The following DND1 variants were observed in gnomAD, a reference collection of about 807,000 sequenced individuals.
The protein encoded by DND1 is DND microRNA-mediated repression inhibitor 1.
Under a neutral mutation model 30.4 loss-of-function variants are expected in DND1, and 6 were observed. The observed-to-expected ratio is 0.20, with a 90% CI of 0.11 to 0.39. The LOEUF (loss-of-function observed/expected upper bound fraction) is 0.39, where lower values mean the gene tolerates loss of function less well. Among genes scored for constraint, DND1 ranks in the 10% least tolerant of loss-of-function variants. The pLI, the probability that DND1 is intolerant of heterozygous loss-of-function variation, is 1.00. For missense variants in DND1, 358 were observed against 474.9 expected (o/e 0.75, Z 2.29); for synonymous variants, 178 against 210.4 (o/e 0.85, Z 1.33).
Position 140,671,239 on chromosome 5 carries a change from G to A in DND1, c.*54C>T. 1 of 1,607,586 alleles carries A rather than the reference G, an allele frequency of 6.2e-7. No homozygotes were observed. The highest frequency in any genetic ancestry group is 2.0e-4 in the Middle Eastern group (1 of 4,950). ...GGCCACCCAGGCCTGCTGGGATGGGGCCTGACACAGGCTCTGCATGCCCAT... is the reference window on the plus strand; with the variant it reads ...GGCCACCCAGGCCTGCTGGGATGGGACCTGACACAGGCTCTGCATGCCCAT... On this transcript the variant is annotated 3_prime_UTR_variant, in exon 4 of 4. Coordinates refer to ENST00000542735, the MANE Select transcript of DND1 (RefSeq NM_194249.3).
chr5:140,672,348 T>G, intron 3 of DND1, 97 bp downstream of exon 3: 1 of 1,328,950 alleles, frequency 7.5e-7, no homozygotes, highest in East Asian at 2.6e-5. Flanking sequence ...TTCTGGCATG[T>G]TTGACTCTAA....
At position 140,671,713 on chromosome 5, in the gene DND1, C is replaced by T. The variant is rs1003596439; in HGVS notation, c.642G>A (p.Glu214=). ...SHLCGEQVAV[E]WLKPDLKQRL... ...GCTGCTTCAGGTCTGGCTTGAGCCA[C>T]TCCACAGCCACCTGCTCTCCACAGA... The change falls in exon 4 of 4, where the codon GAG becomes GAA. Residue 214 remains glutamate (E), a synonymous_variant. Transcript: ENST00000542735. 2 of 1,583,156 alleles carry T rather than the reference C, an allele frequency of 1.3e-6. No individual in the cohort carries two copies. Among genetic ancestry groups the T allele is most frequent in the Admixed American group, 1.8e-5 (1 of 54,960 alleles).
At position 140,673,544 on chromosome 5, in the gene DND1, G is replaced by A. The variant is rs1409531664; in HGVS notation, c.-2C>T. 1.5e-5 allele frequency: 23 copies of A among 1,577,386 alleles called. No individual in the cohort carries two copies. Among genetic ancestry groups the A allele is most frequent in the Non-Finnish European group, 1.8e-5 (21 of 1,160,978 alleles). ...CTCACAATCCCGCTTGGACTGCATG[G>A]CTCTCCAGCTGGCCCCCTCGTACCC... On this transcript the variant is annotated 5_prime_UTR_variant, in exon 1 of 4. Coordinates refer to ENST00000542735, the MANE Select transcript of DND1 (RefSeq NM_194249.3).
rs1208349434 is a variant in DND1 at position 140,672,490 on chromosome 5, T to C, written c.559A>G (p.Ser187Gly). The change falls in exon 3 of 4, where the codon AGC (serine) becomes GGC (glycine). Residue 187 changes from serine (S) to glycine (G), a missense_variant. By Grantham distance (56) the Ser-to-Gly change is moderately conservative. Coordinates refer to ENST00000542735, the MANE Select transcript of DND1 (RefSeq NM_194249.3). The part of the protein sequence containing the change: ...APGQIALLKF[S>G]SHRAAAMAKK... ...GCCATGGCAGCGGCCCGGTGCGAGCTGAATTTGAGCAGAGCGATCTGCCCG... is the reference window on the plus strand; with the variant it reads ...GCCATGGCAGCGGCCCGGTGCGAGCCGAATTTGAGCAGAGCGATCTGCCCG... The C allele has an allele frequency of 6.2e-7, 1 of 1,604,526 alleles. No homozygotes were observed. The highest frequency in any genetic ancestry group is 8.5e-7 in the Non-Finnish European group (1 of 1,177,690).
In DND1 at chr5:140,672,399, G is replaced by A. The variant is rs751456989; in HGVS notation, c.604+46C>T. 7.8e-6 allele frequency: 12 copies of A among 1,540,046 alleles called. No individual in the cohort carries two copies. The South Asian group carries it at 1.1e-4, about 14-fold the overall frequency. On this transcript the variant is annotated intron_variant, in intron 3 of 3. Transcript: ENST00000542735. Reference sequence around the variant, plus strand: ...ACAGCTATGCTCAGTATAAAGTGCCGGGCAGAACGCGTTTGGCCCCAACCA... The same window carrying A: ...ACAGCTATGCTCAGTATAAAGTGCCAGGCAGAACGCGTTTGGCCCCAACCA...
rs2149815079 is a variant in DND1 at position 140,671,648 on chromosome 5, G to A, written c.707C>T (p.Pro236Leu). Reference sequence around the variant, plus strand: ...AGCCAACTGGCTGCCCTCTGGCTGTGGGGACCGCAAGAAGGGACCCACAAG... The same window carrying A: ...AGCCAACTGGCTGCCCTCTGGCTGTAGGGACCGCAAGAAGGGACCCACAAG... ...QQLVGPFLRSPQPEGSQLALA... is the reference protein window; with the variant it reads ...QQLVGPFLRSLQPEGSQLALA... The change falls in exon 4 of 4, where the codon CCA (proline) becomes CTA (leucine). Residue 236 changes from proline to leucine, a missense_variant. Pro to Leu is a moderately conservative substitution (Grantham distance 98). Around this residue, in one of 3 missense-constraint regions of DND1, gnomAD observed 176 missense variants for 235.2 expected, o/e 0.75. Transcript: ENST00000542735. The A allele has an allele frequency of 6.3e-7, 1 of 1,580,116 alleles. No individual in the cohort carries two copies. Among genetic ancestry groups the A allele is most frequent in the South Asian group, 1.2e-5 (1 of 86,538 alleles).
In DND1 at chr5:140,672,496, T is replaced by G. The variant is rs1332573657; in HGVS notation, c.553A>C (p.Lys185Gln). 1.2e-6 allele frequency: 2 copies of G among 1,603,386 alleles called. No individual in the cohort carries two copies. The highest frequency in any genetic ancestry group is 8.5e-7 in the Non-Finnish European group (1 of 1,177,286). Residue 185 changes from lysine to glutamine, a missense_variant, in exon 3 of 4, where the codon AAA becomes CAA. This residue lies in a region of DND1 where 176 missense variants were observed against 235.2 expected (regional missense o/e 0.75). Coordinates refer to ENST00000542735, the MANE Select transcript of DND1 (RefSeq NM_194249.3). Reference sequence around the variant, plus strand: ...GCAGCGGCCCGGTGCGAGCTGAATTTGAGCAGAGCGATCTGCCCGGGCGCC... The same window carrying G: ...GCAGCGGCCCGGTGCGAGCTGAATTGGAGCAGAGCGATCTGCCCGGGCGCC... Reference protein sequence around the residue: ...GPAPGQIALLKFSSHRAAAMA... With the variant: ...GPAPGQIALLQFSSHRAAAMA...
At position 140,673,318 on chromosome 5, in the gene DND1, C is replaced by T; in HGVS notation, c.95G>A (p.Arg32His). Residue 32 changes from arginine (R) to histidine (H), a missense_variant, in exon 2 of 4, where the codon CGC becomes CAC. By Grantham distance (29) the Arg-to-His change is conservative (BLOSUM62 0). This residue lies in a region of DND1 where 120 missense variants were observed against 199.1 expected (regional missense o/e 0.60). Transcript: ENST00000542735. ...LEAWVRETGI[R>H]LVQVNGQRKY... ...CCTCTGCCCGTTCACCTGCACCAGGCGGATGCCTGTCTCCCTGACCCACGC... is the reference window on the plus strand; with the variant it reads ...CCTCTGCCCGTTCACCTGCACCAGGTGGATGCCTGTCTCCCTGACCCACGC... 1 of 1,614,118 alleles carries T rather than the reference C, an allele frequency of 6.2e-7. No homozygotes were observed. The highest frequency in any genetic ancestry group is 8.5e-7 in the Non-Finnish European group (1 of 1,180,004).
chr5:140,672,619 C>G lies in DND1; in HGVS notation c.430G>C (p.Gly144Arg), dbSNP rs199725201. 1.9e-6 allele frequency: 3 copies of G among 1,566,606 alleles called. No homozygotes were observed. Among genetic ancestry groups the G allele is most frequent in the Non-Finnish European group, 2.6e-6 (3 of 1,164,130 alleles). Residue 144 changes from glycine to arginine, a missense_variant, in exon 3 of 4, where the codon GGC becomes CGC. By Grantham distance (125) the Gly-to-Arg change is moderately radical. This residue lies in a region of DND1 where 62 missense variants were observed against 40.6 expected (regional missense o/e 1.53). Transcript: ENST00000542735. ...CTGCGGGTCAGATTCGGCGGCAGGC[C>G]GTCAACGCTCAGCTCACACTTCTCG... The part of the protein sequence containing the change: ...STEKCELSVD[G>R]LPPNLTRSAL...
At chr5:140,672,036 T>C (rs771211567) in intron 3 of DND1, 4 of 574,662 alleles carry the variant, frequency 7.0e-6, no homozygotes, top group Non-Finnish European at 1.2e-5. Flanking sequence ...AAACTTGCTG[T>C]AAGTCAGTCA....
chr5:140,673,408 T>A lies in DND1; in HGVS notation c.25-20A>T. On this transcript the variant is annotated intron_variant, in intron 1 of 3. Coordinates refer to ENST00000542735, the MANE Select transcript of DND1 (RefSeq NM_194249.3). ...CCACAGCTGAGAGGGAAAGGAAGGT[T>A]GGAATGGCGGATCGCCAAGCGCGCC... 6.2e-7 allele frequency: 1 copy of A among 1,614,108 alleles called. No homozygotes were observed. The highest frequency in any genetic ancestry group is 8.5e-7 in the Non-Finnish European group (1 of 1,179,956).
intron 2 of DND1, 141 bp downstream of exon 2, chr5:140,673,130 G>A: frequency 9.3e-7 from 1 of 1,079,374 alleles, no homozygotes; most frequent in South Asian, 1.3e-5. Flanking sequence ...GGGGCGGGTG[G>A]ACGTGGAGCC....
At chr5:140,673,032 C>T in intron 2 of DND1, 126 bp from the exon 3 acceptor site, 2 of 1,180,058 alleles carry the variant, frequency 1.7e-6, no homozygotes, top group South Asian at 2.6e-5. Context: ...ACACCCGTAC[C>T]CTGGGTGGTT....
chr5:140,671,023 G>A lies in DND1; in HGVS notation c.*270C>T. ...AGGGGGGAAGGTATGATCGGGTGGG[G>A]GTGGGACAAGGAACGGCCATGGAAG... is the stretch of plus-strand genomic sequence containing the variant. On this transcript the variant is annotated 3_prime_UTR_variant, in exon 4 of 4. Coordinates refer to ENST00000542735, the MANE Select transcript of DND1 (RefSeq NM_194249.3). 1 of 562,430 alleles carries A rather than the reference G, an allele frequency of 1.8e-6. No individual in the cohort carries two copies. The highest frequency in any genetic ancestry group is 3.2e-6 in the Non-Finnish European group (1 of 311,238). The allele number at this position is 562,430 out of a possible 1,614,324, so 34.8% of individuals were successfully genotyped here. A position where few individuals can be genotyped will look rare whatever the true frequency, so the allele number is the denominator to read the frequency against.
chr5:140,671,490 A>G lies in DND1; in HGVS notation c.865T>C (p.Trp289Arg). Residue 289 changes from tryptophan (W) to arginine (R), a missense_variant, in exon 4 of 4, where the codon TGG becomes CGG. This residue lies in a region of DND1 where 176 missense variants were observed against 235.2 expected (regional missense o/e 0.75). Transcript: ENST00000542735. ...TGCCCAGGAATCACCACCTGGTACC[A>G]GAAGCGGTGCCAGCCAGCAGGTCCT... ...GIGPAGWHRF[W>R]YQVVIPGHPV... 1 of 1,599,360 alleles carries G rather than the reference A, an allele frequency of 6.3e-7. No homozygotes were observed. The highest frequency in any genetic ancestry group is 1.7e-5 in the Admixed American group (1 of 57,226).
In DND1 at chr5:140,672,427, A is replaced by AC. The variant is rs768077931; in HGVS notation, c.604+17dup. 1.9e-6 allele frequency: 3 copies of AC among 1,576,340 alleles called. No homozygotes were observed. Among genetic ancestry groups the AC allele is most frequent in the Non-Finnish European group, 2.6e-6 (3 of 1,162,590 alleles). On this transcript the variant is annotated intron_variant, in intron 3 of 3. Transcript: ENST00000542735. ...CAGAACGCGTTTGGCCCCAACCAGC[A>AC]CCCCCGCCCCAGCCTACCTTCCACC...
rs74742794 is a variant in DND1, at chr5:140,671,758, A to G, written c.605-8T>C. The G allele has an allele frequency of 1.5e-3, 2,402 of 1,563,882 alleles. 43 individuals are homozygous for G. The African/African-American group carries it at 0.029, about 19-fold the overall frequency. ...CACAGAGGTGTGACTGCCCTGTAGGAAAAATGCAAAGACAAGGGCAGGTCT... is the reference window on the plus strand; with the variant it reads ...CACAGAGGTGTGACTGCCCTGTAGGGAAAATGCAAAGACAAGGGCAGGTCT... On this transcript the variant is annotated splice_polypyrimidine_tract_variant and splice_region_variant and intron_variant, in intron 3 of 3. Transcript: ENST00000542735.
rs1184697580 is a variant in DND1, at chr5:140,671,635, G to A, written c.720C>T (p.Gly240=). The A allele has an allele frequency of 6.3e-7, 1 of 1,577,400 alleles. No individual in the cohort carries two copies. The highest frequency in any genetic ancestry group is 1.2e-5 in the South Asian group (1 of 86,390). The change falls in exon 4 of 4, where the codon GGC becomes GGT. Residue 240 remains glycine (G), a synonymous_variant. Transcript: ENST00000542735. ...TGTCCCTTGCCAAAGCCAACTGGCTGCCCTCTGGCTGTGGGGACCGCAAGA... is the reference window on the plus strand; with the variant it reads ...TGTCCCTTGCCAAAGCCAACTGGCTACCCTCTGGCTGTGGGGACCGCAAGA... ...GPFLRSPQPE[G]SQLALARDKL...
chr5:140,671,824 GCTACACAGTCCT>G, intron 3 of DND1, 74 bp from the exon 4 acceptor site: 1 of 1,468,970 alleles, frequency 6.8e-7, no homozygotes, highest in Non-Finnish European at 9.3e-7. Flanking sequence ...GCCCTTTGGA[GCTACACAGTCCT>G]GTTATTTGTA....
Sources: gnomAD v4.1 joint callset for allele counts on GRCh38, gnomAD v4.1.1 for gene constraint, gnomAD v4.1.1 regional missense constraint, MANE v1.5 for transcripts, NCBI Gene and HGNC (gene_info 2026-07-23, HGNC 2026-07-21) for gene names.